The following TMTC1 variants were observed in gnomAD, a reference collection of about 807,000 sequenced individuals.
The protein encoded by TMTC1 is protein O-mannosyl-transferase TMTC1.
TMTC1 carries 73 observed loss-of-function variants against 104.8 expected under a neutral mutation model. The observed-to-expected ratio is 0.70, with a 90% CI of 0.58 to 0.85. TMTC1 has a LOEUF of 0.85. Ranked by LOEUF, TMTC1 falls within the 40% of genes least tolerant of loss-of-function variation. The pLI is 0.00. For missense variants in TMTC1, 1,035 were observed against 1,096.1 expected, an observed-to-expected ratio of 0.94 and a Z score of 0.79; for synonymous variants, 434 against 428.7, an observed-to-expected ratio of 1.01 and a Z score of -0.15.
intron 5 of TMTC1, among the ~76,000 whole-genome samples, chr12:29,742,317 G>T (rs1942848023): frequency 6.6e-6 from 1 of 152,026 alleles, no homozygotes; most frequent in South Asian, 2.1e-4. Flanking sequence ...GCTCTTAAAA[G>T]TCTATACTTA....
At chr12:29,641,549 T>G (rs1938854420) in intron 5 of TMTC1, among the ~76,000 whole-genome samples, 2 of 152,116 alleles carry the variant, frequency 1.3e-5, no homozygotes, top group Non-Finnish European at 2.9e-5. Context: ...GGGAGAGTAC[T>G]TCATCAAGGG....
Position 29,710,918 on chromosome 12 carries a change from T to TATATAAATATATTAATAATATATAA in TMTC1, c.938+40747_938+40748insTTATATATTATTAATATATTTATAT, listed in dbSNP as rs1565786396. Among the ~76,000 whole-genome samples, 660 of 126,036 alleles carry TATATAAATATATTAATAATATATAA rather than the reference T, an allele frequency of 5.2e-3. 7 individuals carry two copies. The highest frequency in any genetic ancestry group is 0.021 in the African/African-American group (632 of 30,370). 82.7% of individuals were successfully genotyped at this position (126,036 alleles called of 152,430 possible). A position where few individuals can be genotyped will look rare whatever the true frequency, so the allele number is the denominator to read the frequency against. ...TATAAATATATTAATAATATATAAA[T>TATATAAATATATTAATAATATATAA]ATATATAAATATATTAATAATATAT... On this transcript the variant is annotated intron_variant, in intron 5 of 17. Transcript: ENST00000539277.
At chr12:29,674,426 C>G (rs1047074751) in intron 5 of TMTC1, among the ~76,000 whole-genome samples, 1 of 151,816 alleles carries the variant, frequency 6.6e-6, no homozygotes, top group African/African-American at 2.4e-5. Context: ...AAAAAACAAT[C>G]AGAAACAAAT....
chr12:29,527,351 TGAGA>T (rs1405063916), intron 11 of TMTC1, among the ~76,000 whole-genome samples: 1 of 151,996 alleles, frequency 6.6e-6, no homozygotes, highest in East Asian at 1.9e-4. Flanking sequence ...GAACAGTGAG[TGAGA>T]GACACAATCC....
intron 5 of TMTC1, among the ~76,000 whole-genome samples, chr12:29,681,238 A>G (rs570558928): frequency 6.6e-6 from 1 of 152,306 alleles, no homozygotes; most frequent in African/African-American, 2.4e-5. Flanking sequence ...AAGAATAAAA[A>G]CAGGTAAAGA....
Position 29,601,038 on chromosome 12 carries a change from C to A in TMTC1, c.1250+3140G>T, listed in dbSNP as rs545640516. On this transcript the variant is annotated intron_variant, in intron 7 of 17. Transcript: ENST00000539277. ...ACCGAGGTTGGTTCCGGGAGGCAGGCACTTGCTGTTGGTAATATTGATGCT... is the reference window on the plus strand; with the variant it reads ...ACCGAGGTTGGTTCCGGGAGGCAGGAACTTGCTGTTGGTAATATTGATGCT... 3.9e-5 allele frequency among the ~76,000 whole-genome samples: 6 copies of A among 152,294 alleles called. No individual in the cohort carries two copies. The South Asian group carries it at 1.2e-3, about 32-fold the overall frequency.
At chr12:29,549,407 T>C (rs1406179889) in intron 10 of TMTC1, among the ~76,000 whole-genome samples, 3 of 152,094 alleles carry the variant, frequency 2.0e-5, no homozygotes, top group East Asian at 1.9e-4. Flanking sequence ...GAAGGAGGTA[T>C]GGAAGGTCTT....
At chr12:29,541,215 T>C (rs764202267) in intron 10 of TMTC1, among the ~76,000 whole-genome samples, 3 of 152,164 alleles carry the variant, frequency 2.0e-5, no homozygotes, top group Admixed American at 6.5e-5. Context: ...CTTAGAATCA[T>C]AAGAAAATCA....
chr12:29,758,099 T>C (rs778905885), intron 3 of TMTC1, among the ~76,000 whole-genome samples: 3 of 152,198 alleles, frequency 2.0e-5, no homozygotes, highest in Non-Finnish European at 4.4e-5. Flanking sequence ...TTTCTCTATA[T>C]GGACATGACA....
chr12:29,620,288 C>T (rs895261411), intron 6 of TMTC1, among the ~76,000 whole-genome samples: 1 of 152,100 alleles, frequency 6.6e-6, no homozygotes, highest in African/African-American at 2.4e-5. Context: ...CAGAGTCTGG[C>T]CTCAGACTCA....
intron 5 of TMTC1, among the ~76,000 whole-genome samples, chr12:29,718,451 A>C (rs1450607289): frequency 6.6e-6 from 1 of 152,186 alleles, no homozygotes; most frequent in African/African-American, 2.4e-5. Flanking sequence ...AATTCTGCAT[A>C]ATCTCTGCTC....
intron 5 of TMTC1, among the ~76,000 whole-genome samples, chr12:29,670,327 A>T (rs995880737): frequency 5.9e-5 from 9 of 152,188 alleles, no homozygotes; most frequent in African/African-American, 2.2e-4. Flanking sequence ...ATGAATACCT[A>T]CTGTGCCCCA....
intron 8 of TMTC1, among the ~76,000 whole-genome samples, chr12:29,573,743 G>A (rs1945744527): frequency 6.6e-6 from 1 of 152,178 alleles, no homozygotes; most frequent in Non-Finnish European, 1.5e-5. Context: ...TTGAGGGACT[G>A]GAAGAAATTC....
chr12:29,695,818 T>TATATATATATAC (rs1941406453), intron 5 of TMTC1, among the ~76,000 whole-genome samples: 1 of 77,088 alleles, frequency 1.3e-5, no homozygotes, highest in Admixed American at 1.2e-4. Context: ...TATATATATA[T>TATATATATATAC]ATATATATAT....
intron 9 of TMTC1, among the ~76,000 whole-genome samples, chr12:29,568,032 C>T (rs1565676378): frequency 6.6e-6 from 1 of 152,114 alleles, no homozygotes; most frequent in Non-Finnish European, 1.5e-5. Flanking sequence ...CAGCCTAATG[C>T]AATGTCCTTA....
At chr12:29,702,732 T>C (rs895325894) in intron 5 of TMTC1, among the ~76,000 whole-genome samples, 2 of 152,204 alleles carry the variant, frequency 1.3e-5, no homozygotes, top group African/African-American at 2.4e-5. Flanking sequence ...TCCGTTACTG[T>C]AGACACTCAT....
At chr12:29,639,003 T>A (rs10843458) in intron 5 of TMTC1, among the ~76,000 whole-genome samples, 97,091 of 152,116 alleles carry the variant, frequency 0.64, 31,914 homozygotes, top group East Asian at 0.8. Context: ...CCCCTGCCCA[T>A]AACCTTCTCC....
Position 29,504,912 on chromosome 12 carries a change from A to T in TMTC1, c.*1934T>A, listed in dbSNP as rs1246139158. 1.3e-5 allele frequency: 2 copies of T among 152,210 alleles called. No homozygotes were observed. The highest frequency in any genetic ancestry group is 4.8e-5 in the African/African-American group (2 of 41,446). 9.4% of individuals were successfully genotyped at this position (152,210 alleles called of 1,614,324 possible). On this transcript the variant is annotated 3_prime_UTR_variant, in exon 18 of 18. Coordinates refer to ENST00000539277, the MANE Select transcript of TMTC1 (RefSeq NM_001193451.2). ...GAGGGTGTGGTTGTTATTTTACAAT[A>T]AACACTGGAGTATGTTTCTTGACAC... is the stretch of plus-strand genomic sequence containing the variant.
At chr12:29,545,037 C>T (rs568258995) in intron 10 of TMTC1, among the ~76,000 whole-genome samples, 17 of 152,214 alleles carry the variant, frequency 1.1e-4, no homozygotes, top group Admixed American at 7.2e-4. Flanking sequence ...TATGCTTAGC[C>T]GAGTGTCTGG....
Sources: allele counts gnomAD v4.1 joint callset (sites outside exome capture counted in the v4.1 genomes callset), GRCh38; gene constraint gnomAD v4.1.1; transcripts MANE v1.5; gene names NCBI Gene and HGNC (gene_info 2026-07-23, HGNC 2026-07-21).